CALN1: variants seen among roughly 807,000 people sequenced by gnomAD.
CALN1 encodes the protein calcium-binding protein 8.
CALN1 carries 17 observed loss-of-function variants against 30.6 expected under a neutral mutation model. The ratio of observed to expected loss-of-function variants is 0.56; its 90% CI spans 0.38 to 0.83. The LOEUF (loss-of-function observed/expected upper bound fraction) is 0.83, where lower values mean the gene tolerates loss of function less well. Ranked by LOEUF, CALN1 falls within the 40% of genes least tolerant of loss-of-function variation. The pLI, the probability that CALN1 is intolerant of heterozygous loss-of-function variation, is 0.00. For missense variants in CALN1, 291 were observed against 354.9 expected (o/e 0.82, Z 1.45); for synonymous variants, 156 against 131.4 (o/e 1.19, Z -1.28).
chr7:72,134,565 A>G (rs530930583), intron 3 of CALN1, among the ~76,000 whole-genome samples: 2 of 152,352 alleles, frequency 1.3e-5, no homozygotes, highest in East Asian at 3.9e-4. Flanking sequence ...GTAGCATTAT[A>G]TCTTTAAAAA....
At chr7:71,981,781 T>C (rs1017855133) in intron 5 of CALN1, among the ~76,000 whole-genome samples, 32 of 152,064 alleles carry the variant, frequency 2.1e-4, no homozygotes, top group African/African-American at 7.7e-4. Context: ...AGGTAGATAG[T>C]GTCAGAATGG....
chr7:72,460,987 A>G, the CALN1 span, among the ~76,000 whole-genome samples: 1 of 152,214 alleles, frequency 6.6e-6, no homozygotes, highest in Admixed American at 6.5e-5. Flanking sequence ...GCATGTTCCA[A>G]CCATCCCTGA....
At chr7:71,968,187 T>C (rs1264188332) in intron 5 of CALN1, among the ~76,000 whole-genome samples, 1 of 152,104 alleles carries the variant, frequency 6.6e-6, no homozygotes, top group Non-Finnish European at 1.5e-5. Context: ...GCTATGGTAG[T>C]ACACTCCTGA....
rs1799821536 is a variant in CALN1 at position 72,007,259 on chromosome 7, C to T, written c.501+16398G>A. On this transcript the variant is annotated intron_variant, in intron 5 of 6. Transcript: ENST00000395275. ...GTGATGCTTGCAACTTCTTAAAGAA[C>T]TTGTGTCCAGGTGAAGTGGCTTGCG... is the stretch of plus-strand genomic sequence containing the variant. 3.3e-5 allele frequency among the ~76,000 whole-genome samples: 5 copies of T among 152,306 alleles called. No homozygotes were observed. The South Asian group carries it at 1.0e-3, about 32-fold the overall frequency.
At chr7:72,284,064 G>A (rs1797910443) in intron 2 of CALN1, among the ~76,000 whole-genome samples, 1 of 152,196 alleles carries the variant, frequency 6.6e-6, no homozygotes, top group African/African-American at 2.4e-5. Context: ...GCTGATGCTG[G>A]AAGATTACTT....
At chr7:71,843,198 T>C (rs1223852027) in intron 5 of CALN1, among the ~76,000 whole-genome samples, 1 of 152,214 alleles carries the variant, frequency 6.6e-6, no homozygotes, top group Non-Finnish European at 1.5e-5. Flanking sequence ...TTTAAATTTC[T>C]TTCCTATGCT....
chr7:71,909,341 C>G (rs888549180), intron 5 of CALN1, among the ~76,000 whole-genome samples: 14 of 151,948 alleles, frequency 9.2e-5, no homozygotes, highest in African/African-American at 3.1e-4. Flanking sequence ...CTTTATTTGT[C>G]GAATGTATTT....
chr7:71,816,023 C>T (rs1350768264), intron 5 of CALN1, among the ~76,000 whole-genome samples: 2 of 145,136 alleles, frequency 1.4e-5, no homozygotes, highest in Non-Finnish European at 3.0e-5. Flanking sequence ...CCAGACCTGG[C>T]TAATTTTTTT....
At chr7:72,096,480 TTGC>T (rs1322731611) in intron 4 of CALN1, among the ~76,000 whole-genome samples, 1 of 137,374 alleles carries the variant, frequency 7.3e-6, no homozygotes, top group Non-Finnish European at 1.5e-5. Flanking sequence ...AATGGACAGA[TTGC>T]TGCACAATAA....
At chr7:72,223,609 G>A (rs1335574177) in intron 3 of CALN1, among the ~76,000 whole-genome samples, 1 of 152,036 alleles carries the variant, frequency 6.6e-6, no homozygotes, top group African/African-American at 2.4e-5. Context: ...CCCACAAAAG[G>A]AAGTCATTAC....
At chr7:71,808,462 AACG>A (rs1562797647) in intron 6 of CALN1, among the ~76,000 whole-genome samples, 1 of 151,790 alleles carries the variant, frequency 6.6e-6, no homozygotes, top group African/African-American at 2.4e-5. Flanking sequence ...AATTGCTATT[AACG>A]ATCATTATAT....
At chr7:71,908,825 A>G (rs935258620) in intron 5 of CALN1, among the ~76,000 whole-genome samples, 2 of 152,200 alleles carry the variant, frequency 1.3e-5, no homozygotes, top group African/African-American at 4.8e-5. Flanking sequence ...CCCAGTTCCA[A>G]TGAGTCAACT....
At chr7:72,070,674 C>T (rs1197424665) in intron 4 of CALN1, among the ~76,000 whole-genome samples, 3 of 152,104 alleles carry the variant, frequency 2.0e-5, no homozygotes, top group Non-Finnish European at 4.4e-5. Context: ...CAAAAGGGAC[C>T]ACAAGGTATT....
intron 3 of CALN1, among the ~76,000 whole-genome samples, chr7:72,269,937 G>T (rs937902096): frequency 6.6e-6 from 1 of 151,968 alleles, no homozygotes; most frequent in Non-Finnish European, 1.5e-5. Context: ...TATATTCAGA[G>T]AATTAAAGAA....
chr7:71,866,031 A>C (rs1554360199), intron 5 of CALN1, among the ~76,000 whole-genome samples: 1 of 151,798 alleles, frequency 6.6e-6, no homozygotes, highest in Non-Finnish European at 1.5e-5. Flanking sequence ...TTTGAGACAG[A>C]GTCTCGCTCT....
At chr7:72,393,506 C>A (rs972852465) in intron 2 of CALN1, among the ~76,000 whole-genome samples, 1 of 152,086 alleles carries the variant, frequency 6.6e-6, no homozygotes, top group Non-Finnish European at 1.5e-5. Context: ...TACACCATAA[C>A]ATATGAAGTA....
intron 5 of CALN1, among the ~76,000 whole-genome samples, chr7:71,940,340 A>ACT (rs1412356388): frequency 6.6e-6 from 1 of 152,198 alleles, no homozygotes; most frequent in Non-Finnish European, 1.5e-5. Flanking sequence ...AGGCTGACTT[A>ACT]CTAGCCATTA....
At chr7:72,381,029 G>A (rs6944941) in intron 2 of CALN1, among the ~76,000 whole-genome samples, 2,063 of 152,254 alleles carry the variant, frequency 0.014, 61 homozygotes, top group African/African-American at 0.047. Context: ...GAATAAAAAT[G>A]TACAACAGAG....
chr7:71,895,163 C>G (rs1186680455), intron 5 of CALN1, among the ~76,000 whole-genome samples: 1 of 152,142 alleles, frequency 6.6e-6, no homozygotes, highest in Non-Finnish European at 1.5e-5. Context: ...CTATGTTGCC[C>G]AGGCTGGTCT....
Sources: gnomAD v4.1 joint callset for allele counts (sites outside exome capture counted in the v4.1 genomes callset) on GRCh38, gnomAD v4.1.1 for gene constraint, MANE v1.5 for transcripts, NCBI Gene and HGNC (gene_info 2026-07-23, HGNC 2026-07-21) for gene names.